The following CFTR variants were observed in gnomAD, a reference collection of about 807,000 sequenced individuals.
CFTR encodes CF transmembrane conductance regulator.
In CFTR, 181 loss-of-function variants were observed where a neutral mutation model predicts 171.6. That is an observed-to-expected ratio of 1.05 (90% confidence interval 0.93 to 1.19). The LOEUF is 1.19. Among genes scored for constraint, CFTR ranks in the 50% most tolerant of loss-of-function variants. The pLI, the probability that CFTR is intolerant of heterozygous loss-of-function variation, is 0.00. For missense variants in CFTR, 1,968 were observed against 1,734.7 expected (o/e 1.13, Z -2.39); for synonymous variants, 583 against 608.0 (o/e 0.96, Z 0.60).
Position 117,592,152 on chromosome 7 carries a change from T to G in CFTR, c.1985T>G (p.Leu662Arg). Residue 662 changes from leucine (L) to arginine (R), a missense_variant, in exon 14 of 27, where the codon CTA (leucine) becomes CGA (arginine). By Grantham distance (102) the Leu-to-Arg change is moderately radical. Coordinates refer to ENST00000003084, the MANE Select transcript of CFTR (RefSeq NM_000492.4). Reference protein sequence around the residue: ...QFSAERRNSILTETLHRFSLE... With the variant: ...QFSAERRNSIRTETLHRFSLE... ...AGTGCAGAAAGAAGAAATTCAATCCTAACTGAGACCTTACACCGTTTCTCA... is the reference window on the plus strand; with the variant it reads ...AGTGCAGAAAGAAGAAATTCAATCCGAACTGAGACCTTACACCGTTTCTCA... 1 of 1,613,980 alleles carries G rather than the reference T, an allele frequency of 6.2e-7. No individual in the cohort carries two copies.
intron 23 of CFTR, among the ~76,000 whole-genome samples, chr7:117,645,544 C>T (rs1271734540): frequency 1.3e-5 from 2 of 152,174 alleles, no homozygotes; most frequent in African/African-American, 4.8e-5. Context: ...TTGCTACTCC[C>T]CCACATCAGT....
intron 9 of CFTR, among the ~76,000 whole-genome samples, chr7:117,545,304 T>C (rs1156642257): frequency 1.3e-5 from 2 of 152,204 alleles, no homozygotes; most frequent in East Asian, 3.9e-4. Flanking sequence ...ATGGGAATTA[T>C]GGGAGCTATA....
intron 23 of CFTR, among the ~76,000 whole-genome samples, chr7:117,643,133 T>C (rs1792946588): frequency 6.6e-6 from 1 of 152,186 alleles, no homozygotes; most frequent in East Asian, 1.9e-4. Flanking sequence ...AGTATCATTC[T>C]ACGAATTAGA....
intron 18 of CFTR, among the ~76,000 whole-genome samples, chr7:117,610,006 A>G (rs546913683): frequency 2.0e-5 from 3 of 151,944 alleles, no homozygotes; most frequent in Non-Finnish European, 4.4e-5. Flanking sequence ...ACAATGATAG[A>G]CTGGATTAAG....
intron 7 of CFTR, among the ~76,000 whole-genome samples, chr7:117,538,674 C>T (rs1198892262): frequency 3.9e-5 from 6 of 152,290 alleles, no homozygotes; most frequent in Admixed American, 3.9e-4. Context: ...AACAACTCCA[C>T]AAAGGAGATG....
At chr7:117,577,038 G>T (rs1412711051) in intron 11 of CFTR, among the ~76,000 whole-genome samples, 1 of 152,100 alleles carries the variant, frequency 6.6e-6, no homozygotes, top group East Asian at 1.9e-4. Context: ...GAACAGAAAC[G>T]CATGACTGTC....
At position 117,664,849 on chromosome 7, in the gene CFTR, T is replaced by A; in HGVS notation, c.4125T>A (p.His1375Gln). 6.2e-7 allele frequency: 1 copy of A among 1,613,838 alleles called. No individual in the cohort carries two copies. Among genetic ancestry groups the A allele is most frequent in the Non-Finnish European group, 8.5e-7 (1 of 1,179,796 alleles). The change falls in exon 25 of 27, where the codon CAT becomes CAA. Residue 1375 changes from histidine (H) to glutamine (Q), a missense_variant. Physicochemically the swap from His to Gln is conservative, Grantham distance 24. Transcript: ENST00000003084. ...KILLLDEPSAHLDPVTYQIIR... is the reference protein window; with the variant it reads ...KILLLDEPSAQLDPVTYQIIR... ...TGCTGCTTGATGAACCCAGTGCTCA[T>A]TTGGATCCAGTGTGAGTTTCAGATG...
intron 9 of CFTR, among the ~76,000 whole-genome samples, chr7:117,547,527 T>G (rs1301537081): frequency 2.0e-5 from 3 of 151,890 alleles, no homozygotes; most frequent in African/African-American, 7.2e-5. Flanking sequence ...AAAATTAAAA[T>G]AATTAAATAA....
chr7:117,533,948 C>G (rs1798904168), intron 4 of CFTR, among the ~76,000 whole-genome samples: 1 of 151,996 alleles, frequency 6.6e-6, no homozygotes. Context: ...GCCTTTGGCT[C>G]TATCTTTTAA....
At position 117,664,845 on chromosome 7, in the gene CFTR, C is replaced by T; in HGVS notation, c.4121C>T (p.Ala1374Val). The change falls in exon 25 of 27, where the codon GCT becomes GTT. Residue 1374 changes from alanine to valine, a missense_variant. By Grantham distance (64) the Ala-to-Val change is moderately conservative. Coordinates refer to ENST00000003084, the MANE Select transcript of CFTR (RefSeq NM_000492.4). ...AKILLLDEPSAHLDPVTYQII... is the reference protein window; with the variant it reads ...AKILLLDEPSVHLDPVTYQII... ...ATCTTGCTGCTTGATGAACCCAGTG[C>T]TCATTTGGATCCAGTGTGAGTTTCA... is the stretch of plus-strand genomic sequence containing the variant. 6.2e-7 allele frequency: 1 copy of T among 1,613,920 alleles called. No homozygotes were observed. The highest frequency in any genetic ancestry group is 8.5e-7 in the Non-Finnish European group (1 of 1,179,870).
intron 22 of CFTR, among the ~76,000 whole-genome samples, chr7:117,637,762 A>T (rs896298639): frequency 6.6e-6 from 1 of 152,054 alleles, no homozygotes; most frequent in Non-Finnish European, 1.5e-5. Context: ...CTATAATCCC[A>T]GCTACTCAGG....
chr7:117,505,266 C>G (rs1584774807), intron 2 of CFTR, among the ~76,000 whole-genome samples: 1 of 152,094 alleles, frequency 6.6e-6, no homozygotes, highest in South Asian at 2.1e-4. Context: ...GGTAGTCCCC[C>G]CCATAAAGAA....
intron 17 of CFTR, among the ~76,000 whole-genome samples, chr7:117,605,443 A>G (rs1792286954): frequency 6.6e-6 from 1 of 152,164 alleles, no homozygotes; most frequent in South Asian, 2.1e-4. Flanking sequence ...TGTGGCATGA[A>G]CCCACTGACC....
intron 20 of CFTR, among the ~76,000 whole-genome samples, chr7:117,612,263 A>G (rs1792420357): frequency 6.6e-6 from 1 of 150,566 alleles, no homozygotes; most frequent in Non-Finnish European, 1.5e-5. Flanking sequence ...ACACACACAG[A>G]GTTCCTCTTG....
chr7:117,589,567 T>C (rs1355085213), intron 12 of CFTR, among the ~76,000 whole-genome samples: 1 of 152,028 alleles, frequency 6.6e-6, no homozygotes, highest in Non-Finnish European at 1.5e-5. Flanking sequence ...TCTTTATTAC[T>C]GTTCTAAGGT....
At chr7:117,536,202 T>G (rs1330484758) in intron 6 of CFTR, among the ~76,000 whole-genome samples, 2 of 152,164 alleles carry the variant, frequency 1.3e-5, no homozygotes, top group Non-Finnish European at 2.9e-5. Flanking sequence ...AAATAGCACT[T>G]TGTTTGAATC....
intron 11 of CFTR, among the ~76,000 whole-genome samples, chr7:117,570,499 G>A (rs1232353829): frequency 6.6e-6 from 1 of 152,038 alleles, no homozygotes; most frequent in African/African-American, 2.4e-5. Flanking sequence ...AACTGGAAGG[G>A]GATAATGAAA....
chr7:117,513,155 A>T (rs1798548194), intron 3 of CFTR, among the ~76,000 whole-genome samples: 1 of 152,200 alleles, frequency 6.6e-6, no homozygotes, highest in African/African-American at 2.4e-5. Flanking sequence ...TGTATTTGAC[A>T]TGTATACATG....
rs367850319 is a variant in CFTR at position 117,534,321 on chromosome 7, C to A, written c.535C>A (p.Gln179Lys). 1.6e-5 allele frequency: 25 copies of A among 1,605,674 alleles called. No individual in the cohort carries two copies. The highest frequency in any genetic ancestry group is 2.0e-5 in the Non-Finnish European group (23 of 1,172,982). The part of the protein sequence containing the change: ...SRVLDKISIG[Q>K]LVSLLSNNLN... The stretch of plus-strand genomic sequence containing the variant: ...TGTTCTAGATAAAATAAGTATTGGA[C>A]AACTTGTTAGTCTCCTTTCCAACAA... The change falls in exon 5 of 27, where the codon CAA becomes AAA. Residue 179 changes from glutamine (Q) to lysine (K), a missense_variant. Gln to Lys is a moderately conservative substitution (Grantham distance 53). Coordinates refer to ENST00000003084, the MANE Select transcript of CFTR (RefSeq NM_000492.4).
Sources: gnomAD v4.1 joint callset for allele counts (sites outside exome capture counted in the v4.1 genomes callset) on GRCh38, gnomAD v4.1.1 for gene constraint, MANE v1.5 for transcripts, NCBI Gene and HGNC (gene_info 2026-07-23, HGNC 2026-07-21) for gene names.